The following GRM3 variants were observed in gnomAD, a reference collection of about 807,000 sequenced individuals.
GRM3 encodes the protein metabotropic glutamate receptor 3.
GRM3 carries 26 observed loss-of-function variants against 70.5 expected under a neutral mutation model. That is an observed-to-expected ratio of 0.37 (90% CI 0.27 to 0.51). GRM3 has a LOEUF of 0.51. Among genes scored for constraint, GRM3 ranks in the 20% least tolerant of loss-of-function variants. GRM3 has a pLI of 0.93. For synonymous variants in GRM3, 443 were observed against 434.9 expected (o/e 1.02, Z -0.23); for missense variants, 859 against 1,123.8 (o/e 0.76, Z 3.37).
intron 5 of GRM3, among the ~76,000 whole-genome samples, chr7:86,860,548 T>C (rs2115613823): frequency 6.6e-6 from 1 of 152,288 alleles, no homozygotes; most frequent in Admixed American, 6.5e-5. Context: ...AAAACAGTCT[T>C]GTGGGTATTT....
At chr7:86,746,342 T>TATATATAC (rs1491500762) in intron 1 of GRM3, among the ~76,000 whole-genome samples, 4 of 12,364 alleles carry the variant, frequency 3.2e-4, no homozygotes, top group Non-Finnish European at 9.3e-4. Flanking sequence ...AGTCATGTAT[T>TATATATAC]ATATATATAT....
At chr7:86,722,051 T>C (rs996217833) in intron 1 of GRM3, among the ~76,000 whole-genome samples, 1 of 152,042 alleles carries the variant, frequency 6.6e-6, no homozygotes, top group African/African-American at 2.4e-5. Context: ...AACTGAAAAT[T>C]GAAAGAAACT....
intron 3 of GRM3, among the ~76,000 whole-genome samples, chr7:86,790,557 C>T (rs2116570281): frequency 6.6e-6 from 1 of 152,242 alleles, no homozygotes; most frequent in Middle Eastern, 3.4e-3. Flanking sequence ...CTTGAGTTCC[C>T]TTGTTTCACT....
At chr7:86,790,736 G>A (rs1420787621) in intron 3 of GRM3, among the ~76,000 whole-genome samples, 1 of 151,882 alleles carries the variant, frequency 6.6e-6, no homozygotes, top group Non-Finnish European at 1.5e-5. Flanking sequence ...AGTTCTCTCT[G>A]CCTATATTGC....
At chr7:86,858,280 A>G (rs964134459) in intron 5 of GRM3, among the ~76,000 whole-genome samples, 11 of 152,218 alleles carry the variant, frequency 7.2e-5, no homozygotes, top group Admixed American at 2.0e-4. Context: ...TTAAAGCAAC[A>G]TGATGTGGCA....
intron 1 of GRM3, among the ~76,000 whole-genome samples, chr7:86,667,484 T>C (rs1458170816): frequency 6.6e-6 from 1 of 152,118 alleles, no homozygotes; most frequent in Non-Finnish European, 1.5e-5. Flanking sequence ...TAAGCAAAGC[T>C]TTTACTCATA....
At chr7:86,776,872 AC>A (rs1277417185) in intron 2 of GRM3, among the ~76,000 whole-genome samples, 1 of 152,154 alleles carries the variant, frequency 6.6e-6, no homozygotes, top group East Asian at 1.9e-4. Flanking sequence ...TATGACACAG[AC>A]TTTTTGATCC....
At chr7:86,795,882 A>G (rs191461711) in intron 3 of GRM3, among the ~76,000 whole-genome samples, 1 of 152,156 alleles carries the variant, frequency 6.6e-6, no homozygotes, top group Non-Finnish European at 1.5e-5. Flanking sequence ...AAGCATTCCT[A>G]TTTCTCCAAA....
At chr7:86,672,604 G>T (rs1487843433) in intron 1 of GRM3, among the ~76,000 whole-genome samples, 2 of 147,290 alleles carry the variant, frequency 1.4e-5, no homozygotes, top group African/African-American at 2.5e-5. Context: ...TTTTGTTTTT[G>T]TTTTTTTTTT....
chr7:86,687,893 T>C (rs1347589090), intron 1 of GRM3, among the ~76,000 whole-genome samples: 1 of 151,622 alleles, frequency 6.6e-6, no homozygotes, highest in Non-Finnish European at 1.5e-5. Flanking sequence ...AGTAATAAAA[T>C]ATAAAATTAA....
At chr7:86,736,090 G>C (rs1428592169) in intron 1 of GRM3, among the ~76,000 whole-genome samples, 2 of 152,168 alleles carry the variant, frequency 1.3e-5, no homozygotes, top group Non-Finnish European at 2.9e-5. Flanking sequence ...GCTGAATTGT[G>C]CTTCAAATTC....
intron 1 of GRM3, among the ~76,000 whole-genome samples, chr7:86,755,614 GC>G (rs1796326919): frequency 1.3e-5 from 2 of 152,116 alleles, no homozygotes; most frequent in African/African-American, 4.8e-5. Context: ...AACTGGTATG[GC>G]TGTACCAGTG....
At chr7:86,808,721 G>A (rs1797848788) in intron 3 of GRM3, among the ~76,000 whole-genome samples, 1 of 152,024 alleles carries the variant, frequency 6.6e-6, no homozygotes, top group South Asian at 2.1e-4. Flanking sequence ...GAGGTCAAAT[G>A]AGCAGAGACC....
chr7:86,694,332 G>A (rs897227963), intron 1 of GRM3, among the ~76,000 whole-genome samples: 2 of 151,744 alleles, frequency 1.3e-5, no homozygotes, highest in African/African-American at 4.8e-5. Context: ...AGACCACGGT[G>A]AAACCCTGTC....
At chr7:86,733,603 T>C (rs1478497538) in intron 1 of GRM3, among the ~76,000 whole-genome samples, 1 of 152,064 alleles carries the variant, frequency 6.6e-6, no homozygotes, top group Non-Finnish European at 1.5e-5. Context: ...TAGGAAGACT[T>C]ATAAGGACAG....
At chr7:86,844,171 T>A (rs1402452248) in intron 4 of GRM3, among the ~76,000 whole-genome samples, 1 of 152,178 alleles carries the variant, frequency 6.6e-6, no homozygotes, top group Non-Finnish European at 1.5e-5. Flanking sequence ...TATTTTCCCA[T>A]GTTGACTATT....
At chr7:86,737,490 T>C (rs1220532413) in intron 1 of GRM3, among the ~76,000 whole-genome samples, 1 of 152,186 alleles carries the variant, frequency 6.6e-6, no homozygotes, top group African/African-American at 2.4e-5. Flanking sequence ...ATTATACCTT[T>C]CAGATTTGTT....
At chr7:86,820,583 TA>T (rs1444416317) in intron 3 of GRM3, among the ~76,000 whole-genome samples, 4 of 152,146 alleles carry the variant, frequency 2.6e-5, no homozygotes, top group Admixed American at 2.6e-4. Context: ...AGTGTTATGA[TA>T]ATATTTATAG....
chr7:86,649,613 A>C (rs374559129), intron 1 of GRM3, among the ~76,000 whole-genome samples: 4 of 152,096 alleles, frequency 2.6e-5, no homozygotes, highest in Non-Finnish European at 5.9e-5. Flanking sequence ...TATTTGAGTA[A>C]ATTCAGTTGA....
Sources: gnomAD v4.1 joint callset for allele counts (sites outside exome capture counted in the v4.1 genomes callset) on GRCh38, gnomAD v4.1.1 for gene constraint, MANE v1.5 for transcripts, NCBI Gene and HGNC (gene_info 2026-07-23, HGNC 2026-07-21) for gene names.